Variants in EFTUD2 observed in about 807,000 individuals in gnomAD.
EFTUD2 encodes elongation factor Tu GTP binding domain containing 2, also known as 116 kDa U5 small nuclear ribonucleoprotein component.
In EFTUD2, 9 loss-of-function variants were observed where a neutral mutation model predicts 114.3. The ratio of observed to expected loss-of-function variants is 0.08; its 90% CI spans 0.05 to 0.14. The LOEUF (loss-of-function observed/expected upper bound fraction) is 0.14. EFTUD2 is among the 10% of genes least tolerant of loss of function. The pLI is 1.00. For missense variants in EFTUD2, 765 were observed against 1,241.2 expected, an observed-to-expected ratio of 0.62 and a Z score of 5.76; for synonymous variants, 449 against 462.3, an observed-to-expected ratio of 0.97 and a Z score of 0.37.
intron 1 of EFTUD2, among the ~76,000 whole-genome samples, chr17:44,895,191 C>T (rs2051356043): frequency 6.6e-6 from 1 of 152,318 alleles, no homozygotes; most frequent in Middle Eastern, 3.4e-3. Flanking sequence ...ATGTCAGTGT[C>T]TATTAAAAAA....
At chr17:44,883,289 C>G (rs1288158941) in intron 5 of EFTUD2, 131 bp from the exon 6 acceptor site, 17 of 736,214 alleles carry the variant, frequency 2.3e-5, no homozygotes, top group Admixed American at 2.8e-5. Context: ...GGTTATGGGA[C>G]AGCAAATAAT....
At chr17:44,880,701 T>C in intron 7 of EFTUD2, 57 bp from the exon 8 acceptor site, 1 of 1,418,082 alleles carries the variant, frequency 7.1e-7, no homozygotes, top group Non-Finnish European at 9.9e-7. Flanking sequence ...GTTCATTTTG[T>C]TTTTGGGGCT....
intron 27 of EFTUD2, 66 bp from the exon 28 acceptor site, chr17:44,851,435 A>T: frequency 7.4e-7 from 1 of 1,353,918 alleles, no homozygotes; most frequent in South Asian, 1.2e-5. Context: ...GAGACTATCC[A>T]AGACCTGTGT....
At chr17:44,865,824 T>C (rs1415602603) in intron 13 of EFTUD2, among the ~76,000 whole-genome samples, 1 of 152,132 alleles carries the variant, frequency 6.6e-6, no homozygotes, top group African/African-American at 2.4e-5. Flanking sequence ...TATATTCCCT[T>C]TTTTAGAGAC....
At chr17:44,871,597 C>T (rs752205731) in intron 11 of EFTUD2, among the ~76,000 whole-genome samples, 1 of 152,136 alleles carries the variant, frequency 6.6e-6, no homozygotes, top group Non-Finnish European at 1.5e-5. Context: ...CCTCAGCCTC[C>T]CAGAGTGCTG....
At chr17:44,883,863 C>T (rs544351140) in intron 4 of EFTUD2, 139 bp from the exon 5 acceptor site, 2 of 717,804 alleles carry the variant, frequency 2.8e-6, no homozygotes, top group Non-Finnish European at 5.0e-6. Context: ...ATGTGAATGT[C>T]TATACTTACA....
rs764145087 is a variant in EFTUD2 at position 44,879,606 on chromosome 17, C to T, written c.652G>A (p.Gly218Ser). 1 of 1,614,032 alleles carries T rather than the reference C, an allele frequency of 6.2e-7. No homozygotes were observed. Among genetic ancestry groups the T allele is most frequent in the East Asian group, 2.2e-5 (1 of 44,872 alleles). Reference sequence around the variant, plus strand: ...ACCACTCCATCTGAGATGCGCAAGCCAGCTGTGACCTCATCAGAGAAATTC... The same window carrying T: ...ACCACTCCATCTGAGATGCGCAAGCTAGCTGTGACCTCATCAGAGAAATTC... ...HVNFSDEVTA[G>S]LRISDGVVLF... The change falls in exon 9 of 28, where the codon GGC (glycine) becomes AGC (serine). Residue 218 changes from glycine to serine, a missense_variant. Coordinates refer to ENST00000426333, the MANE Select transcript of EFTUD2 (RefSeq NM_004247.4).
At chr17:44,858,000 C>A (rs1371097827) in intron 19 of EFTUD2, among the ~76,000 whole-genome samples, 1 of 146,504 alleles carries the variant, frequency 6.8e-6, no homozygotes, top group Non-Finnish European at 1.5e-5. Flanking sequence ...TGGCTCACTG[C>A]AACCTCTGCC....
intron 4 of EFTUD2, among the ~76,000 whole-genome samples, chr17:44,884,813 G>C (rs2051136592): frequency 6.6e-6 from 1 of 152,028 alleles, no homozygotes; most frequent in African/African-American, 2.4e-5. Context: ...ATTGAGCCTG[G>C]GAGGTCAAGG....
intron 9 of EFTUD2, 101 bp from the exon 10 acceptor site, chr17:44,876,201 G>A (rs1394380512): frequency 2.8e-5 from 38 of 1,344,550 alleles, no homozygotes; most frequent in Middle Eastern, 2.7e-4. Context: ...GAAGCCTGGG[G>A]AGAAAAAAAG....
In EFTUD2 at chr17:44,860,258, C is replaced by T. The variant is rs2050631925; in HGVS notation, c.1719+174G>A. On this transcript the variant is annotated intron_variant, in intron 17 of 27. Transcript: ENST00000426333. ...AGGAAAATAATAAAAGGCACCCGTC[C>T]TAATTCCTCGCATCTGAACTGAGTA... The T allele has an allele frequency of 5.2e-6, 4 of 764,880 alleles. No individual in the cohort carries two copies. The African/African-American group carries it at 7.0e-5, about 13-fold the overall frequency. The allele number at this position is 764,880 out of a possible 1,614,324, so 47.4% of individuals were successfully genotyped here.
At chr17:44,895,175 A>G (rs564144441) in intron 1 of EFTUD2, among the ~76,000 whole-genome samples, 22 of 152,382 alleles carry the variant, frequency 1.4e-4, no homozygotes, top group Admixed American at 1.4e-3. Context: ...ATTATAAGGA[A>G]TTCAAATGTC....
At chr17:44,852,881 T>C (rs997597273) in intron 25 of EFTUD2, among the ~76,000 whole-genome samples, 2 of 94,926 alleles carry the variant, frequency 2.1e-5, no homozygotes, top group African/African-American at 1.1e-4. Context: ...CCAAAAGAAA[T>C]GTCAATTTTT....
chr17:44,894,304 A>G lies in EFTUD2; in HGVS notation c.105+113T>C. On this transcript the variant is annotated intron_variant, in intron 2 of 27. Transcript: ENST00000426333. ...AGGATCACTTAAGCCCAGGAGGTGG[A>G]GGTTGCAGTGAGCTGAGATTGCGCC... 2.4e-6 allele frequency: 2 copies of G among 821,074 alleles called. 1 individual carries two copies. Among genetic ancestry groups the G allele is most frequent in the South Asian group, 3.1e-5 (2 of 65,006 alleles). 50.9% of individuals were successfully genotyped at this position (821,074 alleles called of 1,614,324 possible). A position where few individuals can be genotyped will look rare whatever the true frequency, so the allele number is the denominator to read the frequency against.
chr17:44,852,354 G>C, intron 26 of EFTUD2, 55 bp downstream of exon 26: 5 of 1,607,232 alleles, frequency 3.1e-6, no homozygotes, highest in African/African-American at 1.3e-5. Flanking sequence ...GACAGAAGGG[G>C]ATGAGGCTTG....
intron 23 of EFTUD2, 98 bp from the exon 24 acceptor site, chr17:44,853,733 C>A (rs1001498669): frequency 4.5e-6 from 7 of 1,564,434 alleles, no homozygotes; most frequent in South Asian, 1.1e-5. Context: ...AGCTGTCTTG[C>A]AGTCATGAAA....
chr17:44,873,184 T>C (rs931813050), intron 10 of EFTUD2: 9 of 152,244 alleles, frequency 5.9e-5, no homozygotes, highest in African/African-American at 2.2e-4. Flanking sequence ...TTATGGAATG[T>C]CCCAATATAG....
intron 20 of EFTUD2, among the ~76,000 whole-genome samples, chr17:44,855,517 G>A (rs2050533850): frequency 6.6e-6 from 1 of 151,870 alleles, no homozygotes; most frequent in Non-Finnish European, 1.5e-5. Context: ...GCAGTGAGCC[G>A]AGATTGTGCC....
At chr17:44,897,089 G>A (rs575885853) in intron 1 of EFTUD2, among the ~76,000 whole-genome samples, 27 of 151,918 alleles carry the variant, frequency 1.8e-4, no homozygotes, top group African/African-American at 3.4e-4. Flanking sequence ...GGTGGTGGGC[G>A]CCCGTAGTCC....
Sources: allele counts gnomAD v4.1 joint callset (sites outside exome capture counted in the v4.1 genomes callset), GRCh38; gene constraint gnomAD v4.1.1; transcripts MANE v1.5; gene names NCBI Gene and HGNC (gene_info 2026-07-23, HGNC 2026-07-21).